RBFOX1: variants seen among roughly 807,000 people sequenced by gnomAD.
The protein encoded by RBFOX1 is RNA binding fox-1 homolog 1, also known as RNA binding protein fox-1 homolog 1.
Under a neutral mutation model 57.7 loss-of-function variants are expected in RBFOX1, and 8 were observed. The observed-to-expected ratio is 0.14, with a 90% CI of 0.08 to 0.25. The LOEUF (loss-of-function observed/expected upper bound fraction) is 0.25. Ranked by LOEUF, RBFOX1 falls within the 10% of genes least tolerant of loss-of-function variation. RBFOX1 has a pLI of 1.00. For synonymous variants in RBFOX1, 326 were observed against 222.4 expected, an observed-to-expected ratio of 1.47 and a Z score of -4.15; for missense variants, 611 against 548.5, an observed-to-expected ratio of 1.11 and a Z score of -1.14.
rs542041002 is a variant in RBFOX1 at position 5,819,594 on chromosome 16, T to G, written c.319-47709T>G. 3.9e-5 allele frequency among the ~76,000 whole-genome samples: 6 copies of G among 152,342 alleles called. No homozygotes were observed. In the East Asian group the frequency reaches 1.2e-3, roughly 29 times the overall value. On this transcript the variant is annotated intron_variant, in intron 3 of 19. Coordinates refer to the RBFOX1 transcript ENST00000641259. ...ACCTGGGTCCTTATCTTCTGCCATTTACCTCTTGGAAGACTTACGTTGTAC... is the reference window on the plus strand; with the variant it reads ...ACCTGGGTCCTTATCTTCTGCCATTGACCTCTTGGAAGACTTACGTTGTAC...
At chr16:5,908,159 TATATATACAC>T (rs755716992) in intron 4 of RBFOX1, among the ~76,000 whole-genome samples, 4,807 of 129,000 alleles carry the variant, frequency 0.037, 335 homozygotes, top group African/African-American at 0.15. Flanking sequence ...TATATACACA[TATATATACAC>T]ATATATACAC....
At chr16:7,380,677 G>A (rs1346880025) in intron 4 of RBFOX1, among the ~76,000 whole-genome samples, 1 of 152,230 alleles carries the variant, frequency 6.6e-6, no homozygotes, top group Non-Finnish European at 1.5e-5. Context: ...TCTTTGCTAG[G>A]ACGATAACCC....
intron 4 of RBFOX1, among the ~76,000 whole-genome samples, chr16:7,259,036 C>G (rs141674412): frequency 6.6e-6 from 1 of 152,278 alleles, no homozygotes; most frequent in Non-Finnish European, 1.5e-5. Context: ...GTGATCACGT[C>G]TACCTTTGAG....
chr16:7,086,657 A>G (rs2153806075), intron 4 of RBFOX1, among the ~76,000 whole-genome samples: 1 of 151,924 alleles, frequency 6.6e-6, no homozygotes, highest in East Asian at 1.9e-4. Flanking sequence ...GAAACGATCA[A>G]GTTTTATGCC....
At chr16:7,203,027 C>A (rs76326280) in intron 4 of RBFOX1, among the ~76,000 whole-genome samples, 27,031 of 152,090 alleles carry the variant, frequency 0.18, 2,609 homozygotes, top group East Asian at 0.37. Context: ...ACCTCGTGAT[C>A]CGCCTGCCTC....
chr16:7,517,500 C>G (rs893237308), intron 4 of RBFOX1, among the ~76,000 whole-genome samples: 2 of 151,678 alleles, frequency 1.3e-5, no homozygotes, highest in African/African-American at 4.8e-5. Flanking sequence ...GAATTTGTAT[C>G]AGCTGCTTCA....
chr16:5,904,757 C>G (rs2058405008), intron 4 of RBFOX1, among the ~76,000 whole-genome samples: 3 of 151,734 alleles, frequency 2.0e-5, no homozygotes, highest in South Asian at 4.2e-4. Context: ...GTGGGCAGAT[C>G]ACGAGGTCAG....
chr16:6,678,633 T>C (rs932902376), intron 3 of RBFOX1, among the ~76,000 whole-genome samples: 7 of 151,498 alleles, frequency 4.6e-5, no homozygotes, highest in Non-Finnish European at 1.0e-4. Context: ...CTTTTTGCTT[T>C]ACCATATGTG....
intron 1 of RBFOX1, among the ~76,000 whole-genome samples, chr16:6,210,329 CAAAA>C (rs1323182069): frequency 3.0e-4 from 5 of 16,400 alleles, no homozygotes; most frequent in African/African-American, 1.1e-3. Flanking sequence ...AAAAAAAAAA[CAAAA>C]AAACAAAAAA....
At chr16:5,945,242 G>A (rs2152270170) in intron 4 of RBFOX1, among the ~76,000 whole-genome samples, 1 of 152,234 alleles carries the variant, frequency 6.6e-6, no homozygotes, top group Admixed American at 6.5e-5. Flanking sequence ...GCCCTTCGTG[G>A]GTCTTACCTT....
intron 1 of RBFOX1, among the ~76,000 whole-genome samples, chr16:5,424,660 G>A (rs189112331): frequency 6.6e-6 from 1 of 152,098 alleles, no homozygotes; most frequent in African/African-American, 2.4e-5. Flanking sequence ...CATCCTGCAC[G>A]TGTATCCTGG....
At chr16:6,763,509 A>T (rs1350899607) in intron 3 of RBFOX1, among the ~76,000 whole-genome samples, 1 of 152,088 alleles carries the variant, frequency 6.6e-6, no homozygotes, top group Non-Finnish European at 1.5e-5. Context: ...CTCTCCTCCA[A>T]CCTGGTTGAC....
chr16:7,424,384 C>T lies in RBFOX1; in HGVS notation c.28-93763C>T, dbSNP rs568532300. 1.2e-4 allele frequency among the ~76,000 whole-genome samples: 19 copies of T among 152,222 alleles called. No individual in the cohort carries two copies. The South Asian group carries it at 2.3e-3, about 18-fold the overall frequency. On this transcript the variant is annotated intron_variant, in intron 4 of 15. Coordinates refer to ENST00000550418, the MANE Select transcript of RBFOX1 (RefSeq NM_018723.4). Reference sequence around the variant, plus strand: ...AAGCGATGCTCCTGCCTCAGCCTCCCGAGTAGCTGGGAATACAGAAGGGCA... The same window carrying T: ...AAGCGATGCTCCTGCCTCAGCCTCCTGAGTAGCTGGGAATACAGAAGGGCA...
chr16:5,903,315 C>T (rs2058355597), intron 4 of RBFOX1, among the ~76,000 whole-genome samples: 1 of 152,212 alleles, frequency 6.6e-6, no homozygotes, highest in African/African-American at 2.4e-5. Flanking sequence ...CCCTGCTGTG[C>T]ATGCTCCAGT....
At chr16:6,119,384 C>G (rs561811947) in intron 1 of RBFOX1, among the ~76,000 whole-genome samples, 107 of 152,234 alleles carry the variant, frequency 7.0e-4, no homozygotes, top group Non-Finnish European at 1.4e-3. Flanking sequence ...TCAACGATGT[C>G]TTTATATCTT....
intron 4 of RBFOX1, among the ~76,000 whole-genome samples, chr16:7,409,747 G>A (rs2098403853): frequency 6.6e-6 from 1 of 152,034 alleles, no homozygotes; most frequent in East Asian, 1.9e-4. Context: ...AAAAATTCAT[G>A]AAACTTCAAC....
At chr16:7,252,299 A>G (rs1053402490) in intron 4 of RBFOX1, among the ~76,000 whole-genome samples, 2 of 152,236 alleles carry the variant, frequency 1.3e-5, no homozygotes, top group Admixed American at 1.3e-4. Flanking sequence ...GACTTGAAGT[A>G]AGTGGAAATA....
At chr16:7,299,468 G>A (rs1053197043) in intron 4 of RBFOX1, among the ~76,000 whole-genome samples, 2 of 152,184 alleles carry the variant, frequency 1.3e-5, no homozygotes, top group Non-Finnish European at 2.9e-5. Context: ...CCTTTACACA[G>A]AATCAGGCTC....
chr16:6,881,532 C>T (rs899780889), intron 3 of RBFOX1, among the ~76,000 whole-genome samples: 3 of 152,152 alleles, frequency 2.0e-5, no homozygotes, highest in African/African-American at 7.2e-5. Context: ...TCCGTCTATG[C>T]ATGTCTGTGT....
Sources: allele counts gnomAD v4.1 joint callset (sites outside exome capture counted in the v4.1 genomes callset), GRCh38; gene constraint gnomAD v4.1.1; transcripts MANE v1.5; gene names NCBI Gene and HGNC (gene_info 2026-07-23, HGNC 2026-07-21).